The following AK5 variants were observed in gnomAD, a reference collection of about 807,000 sequenced individuals.
AK5 encodes adenylate kinase 5, also known as adenylate kinase isoenzyme 5.
A neutral mutation model predicts 69.5 loss-of-function variants in AK5; 27 were observed. The observed-to-expected ratio is 0.39, with a 90% CI of 0.29 to 0.54. The LOEUF is 0.54. Among genes scored for constraint, AK5 ranks in the 20% least tolerant of loss-of-function variants. The probability of loss-of-function intolerance (pLI) is 0.71; values close to 1 mark genes in which losing one functional copy is unlikely to be tolerated. For synonymous variants in AK5, 260 were observed against 244.4 expected (o/e 1.06, Z -0.60); for missense variants, 531 against 700.4 (o/e 0.76, Z 2.73).
intron 8 of AK5, among the ~76,000 whole-genome samples, chr1:77,443,057 A>G (rs1288607648): frequency 6.6e-6 from 1 of 152,176 alleles, no homozygotes; most frequent in Non-Finnish European, 1.5e-5. Flanking sequence ...ACCTACCGGG[A>G]TTTAAAATTA....
intron 6 of AK5, among the ~76,000 whole-genome samples, chr1:77,406,397 G>T (rs1010609189): frequency 6.6e-6 from 1 of 152,140 alleles, no homozygotes; most frequent in African/African-American, 2.4e-5. Flanking sequence ...GAGAGTCCAA[G>T]AAATCAAGGT....
intron 10 of AK5, among the ~76,000 whole-genome samples, chr1:77,513,218 CTTTCCTTGTGCTGGCAAAGGTGATTAA>C (rs1657449142): frequency 6.6e-6 from 1 of 152,176 alleles, no homozygotes. Flanking sequence ...CTTTCCCACA[CTTTCCTTGTGCTGGCAAAGGTGATTAA>C]TTACCCTTCC....
chr1:77,295,619 G>A (rs1181083863), intron 3 of AK5, among the ~76,000 whole-genome samples: 2 of 152,010 alleles, frequency 1.3e-5, no homozygotes, highest in African/African-American at 2.4e-5. Flanking sequence ...AAAAATAATC[G>A]GGAAGTATCT....
At chr1:77,408,987 C>A (rs746425386) in intron 6 of AK5, among the ~76,000 whole-genome samples, 4 of 152,100 alleles carry the variant, frequency 2.6e-5, no homozygotes, top group Non-Finnish European at 5.9e-5. Context: ...TCGTTTAGCT[C>A]CCACTTACAA....
chr1:77,335,676 A>G (rs1036390784), intron 5 of AK5, among the ~76,000 whole-genome samples: 1 of 152,244 alleles, frequency 6.6e-6, no homozygotes, highest in Non-Finnish European at 1.5e-5. Flanking sequence ...TGCAGGGGTT[A>G]CAAGGAATCC....
At chr1:77,286,152 G>T (rs1229400857) in intron 1 of AK5, among the ~76,000 whole-genome samples, 4 of 151,972 alleles carry the variant, frequency 2.6e-5, no homozygotes, top group Non-Finnish European at 5.9e-5. Flanking sequence ...CTTACTATGT[G>T]CCAAGCATTT....
chr1:77,514,404 AG>A (rs1657522153), intron 10 of AK5, among the ~76,000 whole-genome samples: 1 of 152,188 alleles, frequency 6.6e-6, no homozygotes, highest in South Asian at 2.1e-4. Flanking sequence ...ATTATCCTGG[AG>A]GGATATCAAG....
At chr1:77,300,466 G>A (rs534776858) in intron 5 of AK5, among the ~76,000 whole-genome samples, 1 of 152,294 alleles carries the variant, frequency 6.6e-6, no homozygotes, top group South Asian at 2.1e-4. Context: ...GGAGTTAAGC[G>A]GGTGTGGAGG....
intron 6 of AK5, among the ~76,000 whole-genome samples, chr1:77,392,350 G>T (rs939821384): frequency 6.6e-6 from 1 of 152,136 alleles, no homozygotes; most frequent in Admixed American, 6.5e-5. Flanking sequence ...CTCTTCTTCA[G>T]GGTAATTACT....
chr1:77,384,578 T>G (rs1382114529), intron 6 of AK5, among the ~76,000 whole-genome samples: 1 of 152,096 alleles, frequency 6.6e-6, no homozygotes, highest in Admixed American at 6.5e-5. Flanking sequence ...TTACCCAAGC[T>G]CTTTCTACCA....
intron 5 of AK5, among the ~76,000 whole-genome samples, chr1:77,316,557 A>C (rs1188340910): frequency 6.6e-6 from 1 of 152,228 alleles, no homozygotes; most frequent in African/African-American, 2.4e-5. Flanking sequence ...TTGATTTGAC[A>C]AACTCATAAT....
chr1:77,444,363 G>T (rs1652577728), intron 8 of AK5, among the ~76,000 whole-genome samples: 2 of 38,402 alleles, frequency 5.2e-5, no homozygotes. Context: ...TGTATATATA[G>T]TATAAATATA....
intron 5 of AK5, among the ~76,000 whole-genome samples, chr1:77,336,225 G>A (rs1160645997): frequency 6.6e-6 from 1 of 151,962 alleles, no homozygotes; most frequent in African/African-American, 2.4e-5. Flanking sequence ...GGGACTACAG[G>A]CATGCGCCAC....
chr1:77,394,120 C>CTCGGGAGG (rs1394221451), intron 6 of AK5, among the ~76,000 whole-genome samples: 4 of 150,812 alleles, frequency 2.7e-5, no homozygotes, highest in African/African-American at 4.9e-5. Flanking sequence ...GAGGCTGAGG[C>CTCGGGAGG]AGGAGAATGG....
intron 8 of AK5, among the ~76,000 whole-genome samples, chr1:77,471,162 G>A (rs1380302145): frequency 6.6e-6 from 1 of 151,652 alleles, no homozygotes; most frequent in African/African-American, 2.4e-5. Flanking sequence ...AATTACAGGC[G>A]TGAGCCACAG....
At chr1:77,427,232 T>C (rs1436245604) in intron 8 of AK5, among the ~76,000 whole-genome samples, 1 of 151,750 alleles carries the variant, frequency 6.6e-6, no homozygotes, top group East Asian at 1.9e-4. Flanking sequence ...TTTGAAAAGA[T>C]CCATAAAATC....
intron 5 of AK5, among the ~76,000 whole-genome samples, chr1:77,323,656 T>C (rs1660645386): frequency 6.6e-6 from 1 of 152,252 alleles, no homozygotes; most frequent in African/African-American, 2.4e-5. Context: ...CTTTGCTTTC[T>C]ATTATAATTT....
chr1:77,397,796 G>C (rs982086652), intron 6 of AK5, among the ~76,000 whole-genome samples: 8 of 152,172 alleles, frequency 5.3e-5, no homozygotes, highest in Non-Finnish European at 1.2e-4. Flanking sequence ...CAGCTACTCA[G>C]GAGGCTGAGG....
chr1:77,482,988 A>G (rs139934022), intron 8 of AK5, among the ~76,000 whole-genome samples: 1,247 of 113,574 alleles, frequency 0.011, 34 homozygotes, highest in East Asian at 0.1. Context: ...TAGTTTTTGC[A>G]CTTTAAAAAA....
Sources: gnomAD v4.1 joint callset for allele counts (sites outside exome capture counted in the v4.1 genomes callset) on GRCh38, gnomAD v4.1.1 for gene constraint, MANE v1.5 for transcripts, NCBI Gene and HGNC (gene_info 2026-07-23, HGNC 2026-07-21) for gene names.